The following TMEM161B variants were observed in gnomAD, a reference collection of about 807,000 sequenced individuals.
TMEM161B encodes the protein transmembrane protein 161B.
TMEM161B carries 34 observed loss-of-function variants against 61.8 expected under a neutral mutation model. The observed-to-expected ratio is 0.55, with a 90% confidence interval of 0.42 to 0.73. The LOEUF is 0.73. Among genes scored for constraint, TMEM161B ranks in the 30% least tolerant of loss-of-function variants. TMEM161B has a pLI of 0.00. For synonymous variants in TMEM161B, 167 were observed against 192.8 expected (o/e 0.87, Z 1.11); for missense variants, 456 against 558.5 (o/e 0.82, Z 1.85).
chr5:88,193,335 T>G (rs902394223), downstream of TMEM161B, among the ~76,000 whole-genome samples: 11 of 152,156 alleles, frequency 7.2e-5, no homozygotes, highest in Admixed American at 6.6e-4. Context: ...TTATATATGC[T>G]TTGAAGCATA....
chr5:88,233,532 T>C (rs1391734288), intron 2 of TMEM161B, among the ~76,000 whole-genome samples: 3 of 152,196 alleles, frequency 2.0e-5, no homozygotes, highest in South Asian at 2.1e-4. Flanking sequence ...GGTCATAGTA[T>C]GGACTTCAGA....
chr5:88,228,629 G>A, intron 2 of TMEM161B, 101 bp from the exon 3 acceptor site: 9 of 841,382 alleles, frequency 1.1e-5, no homozygotes, highest in South Asian at 1.9e-5. Flanking sequence ...TGAAGACACT[G>A]TCGAGAAATA....
chr5:88,236,302 G>C (rs759467354), intron 2 of TMEM161B, among the ~76,000 whole-genome samples: 4 of 152,060 alleles, frequency 2.6e-5, no homozygotes, highest in Non-Finnish European at 5.9e-5. Flanking sequence ...GGTTTGAACT[G>C]AGCAATTAGA....
intron 1 of TMEM161B, among the ~76,000 whole-genome samples, chr5:88,249,961 C>T (rs979981274): frequency 2.6e-5 from 4 of 152,150 alleles, no homozygotes; most frequent in African/African-American, 9.7e-5. Context: ...TTTTAACTAA[C>T]CAATCTGCAG....
chr5:88,268,468 C>G (rs1264788471), intron 1 of TMEM161B, among the ~76,000 whole-genome samples: 1 of 152,206 alleles, frequency 6.6e-6, no homozygotes, highest in Non-Finnish European at 1.5e-5. Context: ...CATGAACAGG[C>G]AGGCTACCCA....
At position 88,241,718 on chromosome 5, in the gene TMEM161B, C is replaced by T. The variant is rs117858896; in HGVS notation, c.4-802G>A. ...TGTCCAACAATCCTCTTAGTTTACT[C>T]TCATCAATCCTTCCCATATTCTCCA... On this transcript the variant is annotated intron_variant, in intron 1 of 11. Transcript: ENST00000296595. 1.6e-3 allele frequency among the ~76,000 whole-genome samples: 238 copies of T among 151,862 alleles called. 5 individuals carry two copies. Among genetic ancestry groups the T allele is most frequent in the Admixed American group, 0.012 (179 of 15,226 alleles).
At chr5:88,225,167 C>T (rs564243215) in intron 4 of TMEM161B, among the ~76,000 whole-genome samples, 7 of 152,068 alleles carry the variant, frequency 4.6e-5, no homozygotes, top group East Asian at 1.9e-4. Context: ...CGGGGTTTCA[C>T]CACATTAGCC....
chr5:88,223,326 C>T (rs182444621), intron 4 of TMEM161B, among the ~76,000 whole-genome samples: 3 of 151,198 alleles, frequency 2.0e-5, no homozygotes, highest in Non-Finnish European at 4.4e-5. Flanking sequence ...GTCTGATACT[C>T]AATAATTTTA....
chr5:88,199,269 C>G, intron 9 of TMEM161B, 119 bp from the exon 10 acceptor site: 3 of 949,104 alleles, frequency 3.2e-6, no homozygotes, highest in Non-Finnish European at 4.6e-6. Context: ...CAGTTAGACA[C>G]ATAAAAGAAT....
intron 4 of TMEM161B, among the ~76,000 whole-genome samples, 187 bp from the exon 5 acceptor site, chr5:88,220,906 T>C (rs1443463215): frequency 1.3e-5 from 2 of 152,122 alleles, no homozygotes; most frequent in African/African-American, 4.8e-5. Flanking sequence ...GATGTTAGCA[T>C]CCCAAACTAA....
intron 2 of TMEM161B, among the ~76,000 whole-genome samples, chr5:88,239,707 AT>A (rs1752419508): frequency 6.6e-6 from 1 of 152,010 alleles, no homozygotes; most frequent in Non-Finnish European, 1.5e-5. Context: ...ATTTTTCAAT[AT>A]TAAACATCAA....
intron 4 of TMEM161B, among the ~76,000 whole-genome samples, chr5:88,224,139 C>A (rs922404178): frequency 7.2e-5 from 11 of 152,084 alleles, no homozygotes; most frequent in African/African-American, 2.4e-4. Flanking sequence ...CATAATGACA[C>A]CTTATATGAC....
chr5:88,261,998 C>A (rs930846261), intron 1 of TMEM161B, among the ~76,000 whole-genome samples: 7 of 151,904 alleles, frequency 4.6e-5, no homozygotes, highest in Non-Finnish European at 1.0e-4. Context: ...ACAAACCAGA[C>A]CAGGGGAAAA....
At chr5:88,208,728 T>C (rs1444351359) in intron 5 of TMEM161B, among the ~76,000 whole-genome samples, 1 of 152,162 alleles carries the variant, frequency 6.6e-6, no homozygotes, top group East Asian at 1.9e-4. Context: ...AAATCACAGC[T>C]AGATTAGAGA....
intron 2 of TMEM161B, among the ~76,000 whole-genome samples, chr5:88,239,206 A>G (rs1481974822): frequency 1.3e-5 from 2 of 152,028 alleles, no homozygotes. Context: ...TATAAATTTT[A>G]TAGAAATAGA....
At chr5:88,238,921 A>G (rs938138205) in intron 2 of TMEM161B, among the ~76,000 whole-genome samples, 1 of 151,996 alleles carries the variant, frequency 6.6e-6, no homozygotes, top group African/African-American at 2.4e-5. Context: ...ATAGCAGAAA[A>G]GTAACCACTA....
intron 1 of TMEM161B, among the ~76,000 whole-genome samples, chr5:88,254,704 T>C (rs558826008): frequency 1.3e-5 from 2 of 152,056 alleles, no homozygotes; most frequent in South Asian, 2.1e-4. Flanking sequence ...TAGCTGAGTA[T>C]GGTGGCATGT....
chr5:88,249,973 G>A (rs1210245324), intron 1 of TMEM161B, among the ~76,000 whole-genome samples: 1 of 152,130 alleles, frequency 6.6e-6, no homozygotes, highest in Non-Finnish European at 1.5e-5. Context: ...AATCTGCAGG[G>A]CCAGCTGGAC....
chr5:88,186,538 C>T (rs1001128634), downstream of TMEM161B, among the ~76,000 whole-genome samples: 3 of 151,876 alleles, frequency 2.0e-5, no homozygotes, highest in South Asian at 2.1e-4. Flanking sequence ...TCTTTTGTCT[C>T]GTTTTGCAAG....
Sources: allele counts gnomAD v4.1 joint callset (sites outside exome capture counted in the v4.1 genomes callset), GRCh38; gene constraint gnomAD v4.1.1; transcripts MANE v1.5; gene names NCBI Gene and HGNC (gene_info 2026-07-23, HGNC 2026-07-21).